A3GALT2: variants seen among roughly 807,000 people sequenced by gnomAD.
A3GALT2 encodes the protein alpha-1,3-galactosyltransferase 2.
In A3GALT2, 14 loss-of-function variants were observed where a neutral mutation model predicts 16.6. That is an observed-to-expected ratio of 0.84 (90% CI 0.56 to 1.32). The LOEUF is 1.32. Ranked by LOEUF, A3GALT2 falls within the 40% of genes most tolerant of loss-of-function variation. The pLI, the probability that A3GALT2 is intolerant of heterozygous loss-of-function variation, is 0.00. For missense variants in A3GALT2, 600 were observed against 490.9 expected (o/e 1.22, Z -2.10); for synonymous variants, 253 against 218.0 (o/e 1.16, Z -1.42).
At chr1:33,313,177 T>TTTTTG in intron 1 of A3GALT2, 1 of 173,668 alleles carries the variant, frequency 5.8e-6, no homozygotes, top group Non-Finnish European at 1.1e-5. Context: ...GTGACGGAGT[T>TTTTTG]TTTTTTTTTT....
chr1:33,307,212 G>C lies in A3GALT2; in HGVS notation c.577C>G (p.His193Asp). 1 of 1,506,504 alleles carries C rather than the reference G, an allele frequency of 6.6e-7. No homozygotes were observed. The highest frequency in any genetic ancestry group is 8.9e-7 in the Non-Finnish European group (1 of 1,129,118). The allele number at this position is 1,506,504 out of a possible 1,614,324, so 93.3% of individuals were successfully genotyped here. The change falls in exon 5 of 5, where the codon CAC (histidine) becomes GAC (aspartate). Residue 193 changes from histidine (H) to aspartate (D), a missense_variant. Physicochemically the swap from His to Asp is moderately conservative, Grantham distance 81. Coordinates refer to ENST00000442999, the MANE Select transcript of A3GALT2 (RefSeq NM_001080438.1). Reference protein sequence around the residue: ...ALGGLPGREAHFMFCMDVDQH... With the variant: ...ALGGLPGREADFMFCMDVDQH... Reference sequence around the variant, plus strand: ...TCCACGTCCATGCAGAACATGAAGTGCGCCTCGCGGCCCGGCAGCCCGCCC... The same window carrying C: ...TCCACGTCCATGCAGAACATGAAGTCCGCCTCGCGGCCCGGCAGCCCGCCC...
chr1:33,320,140 G>A lies in A3GALT2; in HGVS notation c.23+936C>T, dbSNP rs924107957. ...TCCCTTCGCACTCTATTCAGCTCCT[G>A]TCTGAGCTCCTGGAGGGCTGGCTGC... On this transcript the variant is annotated intron_variant, in intron 1 of 4. Transcript: ENST00000442999. The surrounding 1 kb of genome is among the most constrained non-coding windows in gnomAD (Gnocchi z 4.3). 6.6e-6 allele frequency among the ~76,000 whole-genome samples: 1 copy of A among 151,932 alleles called. No individual in the cohort carries two copies. Among genetic ancestry groups the A allele is most frequent in the Non-Finnish European group, 1.5e-5 (1 of 68,032 alleles).
chr1:33,312,034 C>A lies in A3GALT2; in HGVS notation c.335+18G>T, dbSNP rs753167481. 1.2e-6 allele frequency: 2 copies of A among 1,613,218 alleles called. No homozygotes were observed. Among genetic ancestry groups the A allele is most frequent in the East Asian group, 2.2e-5 (1 of 44,878 alleles). ...CACTCACAGCTTTGACAGCACTGCT[C>A]CCCTTCCCAGGCCTTACCTGCCTAC... On this transcript the variant is annotated intron_variant, in intron 4 of 4. Coordinates refer to ENST00000442999, the MANE Select transcript of A3GALT2 (RefSeq NM_001080438.1).
In A3GALT2 at chr1:33,312,160, G is replaced by T. The variant is rs755950479; in HGVS notation, c.227C>A (p.Pro76His). 1.2e-6 allele frequency: 2 copies of T among 1,613,534 alleles called. No homozygotes were observed. The highest frequency in any genetic ancestry group is 1.1e-5 in the South Asian group (1 of 91,046). The change falls in exon 4 of 5, where the codon CCC (proline) becomes CAC (histidine). Residue 76 changes from proline to histidine, a missense_variant. Pro to His is a moderately conservative substitution (Grantham distance 77). Coordinates refer to ENST00000442999, the MANE Select transcript of A3GALT2 (RefSeq NM_001080438.1). The part of the protein sequence containing the change: ...WARPEVLTCT[P>H]WGAPIIWDGS... ...ATCCCAAATAATGGGAGCCCCCCAG[G>T]GGGTACAGGTCAGAACTTCAGGCCG...
intron 1 of A3GALT2, chr1:33,314,506 G>A (rs987123779): frequency 6.6e-6 from 1 of 152,380 alleles, no homozygotes; most frequent in Middle Eastern, 3.1e-3. Context: ...GAACTGCCTT[G>A]CAGGTGTGTG....
chr1:33,312,590 C>A lies in A3GALT2; in HGVS notation c.108G>T (p.Arg36Ser), dbSNP rs759013361. 5 of 1,582,726 alleles carry A rather than the reference C, an allele frequency of 3.2e-6. No individual in the cohort carries two copies. The highest frequency in any genetic ancestry group is 4.3e-6 in the Non-Finnish European group (5 of 1,162,834). The change falls in exon 3 of 5, where the codon AGG (arginine) becomes AGT (serine). Residue 36 changes from arginine to serine, a missense_variant and splice_region_variant. Coordinates refer to ENST00000442999, the MANE Select transcript of A3GALT2 (RefSeq NM_001080438.1). Reference protein sequence around the residue: ...GLFLYGLPKFRHLEALIPMGV... With the variant: ...GLFLYGLPKFSHLEALIPMGV... The stretch of plus-strand genomic sequence containing the variant: ...CCATGGGGATGAGGGCTTCCAGATG[C>A]CTGTGGTGGGTTGAGGGGCGGGGGG...
chr1:33,306,841 G>A lies in A3GALT2; in HGVS notation c.948C>T (p.Asp316=). The change falls in exon 5 of 5, where the codon GAC becomes GAT. Residue 316 remains aspartate, a synonymous_variant. Coordinates refer to ENST00000442999, the MANE Select transcript of A3GALT2 (RefSeq NM_001080438.1). The stretch of plus-strand genomic sequence containing the variant: ...GGCGGATCTCGGCCCGCGGGCCGAT[G>A]TCCGGGCTCCAGCAGAACTCGGGCG... ...VLSPEFCWSP[D]IGPRAEIRRP... The A allele has an allele frequency of 1.3e-6, 2 of 1,504,184 alleles. No individual in the cohort carries two copies. The highest frequency in any genetic ancestry group is 1.2e-5 in the South Asian group (1 of 80,418). 93.2% of individuals were successfully genotyped at this position (1,504,184 alleles called of 1,614,324 possible).
intron 1 of A3GALT2, among the ~76,000 whole-genome samples, chr1:33,317,308 C>T (rs768691643): frequency 1.3e-5 from 2 of 152,184 alleles, no homozygotes; most frequent in East Asian, 3.9e-4. Flanking sequence ...AGAATAAAAA[C>T]GTGCATCAGA....
chr1:33,308,750 G>GTT (rs56655319), intron 4 of A3GALT2, among the ~76,000 whole-genome samples: 14 of 46,120 alleles, frequency 3.0e-4, no homozygotes, highest in Admixed American at 4.8e-4. Context: ...TGTCAAAGTT[G>GTT]TTTTTTTTTT....
chr1:33,308,715 AATTATT>A (rs1248686718), intron 4 of A3GALT2, among the ~76,000 whole-genome samples: 4 of 137,372 alleles, frequency 2.9e-5, no homozygotes, highest in Non-Finnish European at 6.1e-5. Context: ...CCCTCCACAG[AATTATT>A]ATTATTATTT....
At chr1:33,312,337 C>T (rs965752754) in intron 3 of A3GALT2, 148 bp from the exon 4 acceptor site, 5 of 1,353,886 alleles carry the variant, frequency 3.7e-6, no homozygotes, top group Non-Finnish European at 4.0e-6. Flanking sequence ...CAGCTCAGAG[C>T]AACACAGAGG....
At chr1:33,313,691 C>A (rs947085020) in intron 1 of A3GALT2, 1 of 152,234 alleles carries the variant, frequency 6.6e-6, no homozygotes, top group Non-Finnish European at 1.5e-5. Flanking sequence ...TGAGTACTCA[C>A]GTATCTAGAG....
rs534707995 is a variant in A3GALT2 at position 33,317,562 on chromosome 1, CA to C, written c.23+3513del. On this transcript the variant is annotated intron_variant, in intron 1 of 4. Transcript: ENST00000442999. ...TCCAGCTCCTCCACTGTAACACTGT[CA>C]GTGCTCACAGCCCCTGGCCAGCTTG... Among the ~76,000 whole-genome samples, 3 of 152,342 alleles carry C rather than the reference CA, an allele frequency of 2.0e-5. No homozygotes were observed. The South Asian group carries it at 6.2e-4, about 32-fold the overall frequency.
chr1:33,307,333 C>T lies in A3GALT2; in HGVS notation c.456G>A (p.Leu152=). 1 of 1,531,052 alleles carries T rather than the reference C, an allele frequency of 6.5e-7. No homozygotes were observed. Among genetic ancestry groups the T allele is most frequent in the Non-Finnish European group, 8.7e-7 (1 of 1,147,462 alleles). The allele number at this position is 1,531,052 out of a possible 1,614,324, so 94.8% of individuals were successfully genotyped here. A position where few individuals can be genotyped will look rare whatever the true frequency, so the allele number is the denominator to read the frequency against. ...CCACGGGCAGCCGGCGTCCCGGGCC[C>T]AGCGCCACGCGGGGCACCGCTCCCG... The part of the protein sequence containing the change: ...ELPGAVPRVA[L]GPGRRLPVER... Residue 152 remains leucine, a synonymous_variant, in exon 5 of 5, where the codon CTG becomes CTA. Coordinates refer to ENST00000442999, the MANE Select transcript of A3GALT2 (RefSeq NM_001080438.1).
chr1:33,306,966 C>A lies in A3GALT2; in HGVS notation c.823G>T (p.Gly275Cys). The part of the protein sequence containing the change: ...LRGLTAHCAG[G>C]LDWDRARGLE... ...CCGCGCGCGCGGTCCCAGTCCAGGCCCCCCGCACAGTGCGCCGTCAGCCCG... is the reference window on the plus strand; with the variant it reads ...CCGCGCGCGCGGTCCCAGTCCAGGCACCCCGCACAGTGCGCCGTCAGCCCG... The change falls in exon 5 of 5, where the codon GGC becomes TGC. Residue 275 changes from glycine to cysteine, a missense_variant. By Grantham distance (159) the Gly-to-Cys change is radical. Coordinates refer to ENST00000442999, the MANE Select transcript of A3GALT2 (RefSeq NM_001080438.1). 7 of 1,493,224 alleles carry A rather than the reference C, an allele frequency of 4.7e-6. No individual in the cohort carries two copies. Among genetic ancestry groups the A allele is most frequent in the Middle Eastern group, 1.7e-4 (1 of 5,808 alleles). The allele number at this position is 1,493,224 out of a possible 1,614,324, so 92.5% of individuals were successfully genotyped here.
intron 4 of A3GALT2, among the ~76,000 whole-genome samples, chr1:33,309,878 C>T (rs971395683): frequency 3.3e-5 from 5 of 152,196 alleles, no homozygotes; most frequent in Non-Finnish European, 4.4e-5. Flanking sequence ...CAGGCAGAGA[C>T]GCTCCTCACT....
In A3GALT2 at chr1:33,308,765, T is replaced by TG. The variant is rs1646217279; in HGVS notation, c.336-1313_336-1312insC. The stretch of plus-strand genomic sequence containing the variant: ...TGTCAAAGTTGTTTTTTTTTTTTTT[T>TG]TTTTTTTTTTTTTTTAGTATTTATT... On this transcript the variant is annotated intron_variant, in intron 4 of 4. Transcript: ENST00000442999. 5.0e-5 allele frequency among the ~76,000 whole-genome samples: 6 copies of TG among 120,896 alleles called. No individual in the cohort carries two copies. In the South Asian group the frequency reaches 7.5e-4, roughly 15 times the overall value. The allele number at this position is 120,896 out of a possible 152,430, so 79.3% of individuals were successfully genotyped here.
chr1:33,307,440 A>G lies in A3GALT2; in HGVS notation c.349T>C (p.Tyr117His). ...GCCGTCTCCAGGAAGCGCTCCAGGT[A>G]CTTCTCCAGGTATCTAAGGGCGCGG... ...IFAVGRYLEK[Y>H]LERFLETAEQ... is the part of the protein sequence containing the mutation. The change falls in exon 5 of 5, where the codon TAC (tyrosine) becomes CAC (histidine). Residue 117 changes from tyrosine to histidine, a missense_variant. By Grantham distance (83) the Tyr-to-His change is moderately conservative. Coordinates refer to ENST00000442999, the MANE Select transcript of A3GALT2 (RefSeq NM_001080438.1). 2 of 1,516,290 alleles carry G rather than the reference A, an allele frequency of 1.3e-6. No individual in the cohort carries two copies. The highest frequency in any genetic ancestry group is 2.2e-5 in the Admixed American group (1 of 44,928). 93.9% of individuals were successfully genotyped at this position (1,516,290 alleles called of 1,614,324 possible).
chr1:33,312,410 G>C, intron 3 of A3GALT2, 91 bp downstream of exon 3: 1 of 1,371,838 alleles, frequency 7.3e-7, no homozygotes, highest in Non-Finnish European at 1.0e-6. Context: ...GGCTCTGCTG[G>C]GGTGGGAGAT....
Sources: gnomAD v4.1 joint callset for allele counts (sites outside exome capture counted in the v4.1 genomes callset) on GRCh38, gnomAD v4.1.1 for gene constraint, Gnocchi (gnomAD v3.1) non-coding constraint, MANE v1.5 for transcripts, NCBI Gene and HGNC (gene_info 2026-07-23, HGNC 2026-07-21) for gene names.